PBX1: variants seen among roughly 807,000 people sequenced by gnomAD.
The protein encoded by PBX1 is PBX homeobox 1.
Under a neutral mutation model 53.4 loss-of-function variants are expected in PBX1, and 6 were observed. The ratio of observed to expected loss-of-function variants is 0.11; its 90% CI spans 0.06 to 0.22. The LOEUF (loss-of-function observed/expected upper bound fraction) is 0.22. Among genes scored for constraint, PBX1 ranks in the 10% least tolerant of loss-of-function variants. PBX1 has a pLI of 1.00. For missense variants in PBX1, 251 were observed against 551.4 expected (o/e 0.46, Z 5.46); for synonymous variants, 204 against 212.3 (o/e 0.96, Z 0.34).
chr1:164,728,723 A>AT (rs1188329939), intron 2 of PBX1, among the ~76,000 whole-genome samples: 3 of 152,182 alleles, frequency 2.0e-5, no homozygotes, highest in East Asian at 1.9e-4. Context: ...GTATATAAAA[A>AT]TTTTTTTATT....
intron 8 of PBX1, among the ~76,000 whole-genome samples, chr1:164,835,201 A>G (rs1558036227): frequency 6.6e-6 from 1 of 151,176 alleles, no homozygotes; most frequent in Admixed American, 6.6e-5. Flanking sequence ...TGTTTAATCA[A>G]TTTATACTAT....
Position 164,559,852 on chromosome 1 carries a change from C to T in PBX1, c.30C>T (p.Ser10=). 1 of 1,550,200 alleles carries T rather than the reference C, an allele frequency of 6.5e-7. No homozygotes were observed. Among genetic ancestry groups the T allele is most frequent in the Non-Finnish European group, 8.7e-7 (1 of 1,146,740 alleles). Residue 10 remains serine (S), a synonymous_variant, in exon 1 of 9, where the codon TCC becomes TCT. Coordinates refer to ENST00000420696, the MANE Select transcript of PBX1 (RefSeq NM_002585.4). ...ACGAGCAGCCCAGGCTGATGCATTC[C>T]CATGCTGGGGTCGGGATGGCCGGAC... The part of the protein sequence containing the change: MDEQPRLMH[S]HAGVGMAGHP...
chr1:164,571,675 T>C (rs1653864220), intron 2 of PBX1, among the ~76,000 whole-genome samples: 1 of 150,330 alleles, frequency 6.7e-6, no homozygotes, highest in South Asian at 2.1e-4. Context: ...AATACTGCTA[T>C]GAACATTTGC....
chr1:164,845,242 A>C (rs1185506449), intron 8 of PBX1, among the ~76,000 whole-genome samples: 3 of 151,792 alleles, frequency 2.0e-5, no homozygotes, highest in Non-Finnish European at 4.4e-5. Context: ...CCGAATTCAA[A>C]GATCTCAAGG....
chr1:164,853,420 T>C (rs1671903239), downstream of PBX1, among the ~76,000 whole-genome samples: 1 of 152,190 alleles, frequency 6.6e-6, no homozygotes, highest in Non-Finnish European at 1.5e-5. Flanking sequence ...AGCTGTTTCA[T>C]TGACTGGACA....
intron 2 of PBX1, among the ~76,000 whole-genome samples, chr1:164,781,585 C>T (rs1488567802): frequency 1.3e-5 from 2 of 152,186 alleles, no homozygotes; most frequent in African/African-American, 4.8e-5. Flanking sequence ...ATCACAGAGG[C>T]TCTTGGCTGG....
chr1:164,875,982 GT>G (rs1264076427), intron 2 of PBX1, among the ~76,000 whole-genome samples: 2 of 24,326 alleles, frequency 8.2e-5, no homozygotes, highest in African/African-American at 1.2e-4. Context: ...TATATTTGGT[GT>G]ATGTGTATAT....
At chr1:164,730,545 C>A (rs1664922501) in intron 2 of PBX1, among the ~76,000 whole-genome samples, 1 of 152,160 alleles carries the variant, frequency 6.6e-6, no homozygotes, top group Non-Finnish European at 1.5e-5. Context: ...CCCTCTCATT[C>A]CTCTGAAAAG....
chr1:164,870,074 G>C (rs142326248), intron 2 of PBX1, among the ~76,000 whole-genome samples: 228 of 152,302 alleles, frequency 1.5e-3, no homozygotes, highest in African/African-American at 5.3e-3. Context: ...GGTTTAAGTA[G>C]AGGAACACTT....
chr1:164,625,438 C>T (rs1657973006), intron 2 of PBX1, among the ~76,000 whole-genome samples: 1 of 152,046 alleles, frequency 6.6e-6, no homozygotes, highest in Admixed American at 6.6e-5. Context: ...TCTCTCTTTC[C>T]CCGTACATTT....
rs1195558873 is a variant in PBX1, at chr1:164,876,548, CG to C, written n.258-22636del. On this transcript the variant is annotated intron_variant and non_coding_transcript_variant, in intron 2 of 2. Transcript: ENST00000558796. ...GGCTAATCTATAAGTGGGGGCGGGG[CG>C]GGGCAGGGAATTAACATTTATTGAG... Among the ~76,000 whole-genome samples the C allele has an allele frequency of 4.7e-5, 7 of 148,618 alleles. No homozygotes were observed. The South Asian group carries it at 9.0e-4, about 19-fold the overall frequency.
intron 2 of PBX1, among the ~76,000 whole-genome samples, chr1:164,743,864 T>C (rs542184274): frequency 6.6e-6 from 1 of 152,236 alleles, no homozygotes; most frequent in African/African-American, 2.4e-5. Context: ...CACTTACATA[T>C]ATGTACAGTT....
intron 2 of PBX1, among the ~76,000 whole-genome samples, chr1:164,761,714 A>T (rs1481449298): frequency 6.6e-6 from 1 of 152,162 alleles, no homozygotes; most frequent in Non-Finnish European, 1.5e-5. Flanking sequence ...AAGTGCTGGG[A>T]TTACAGGCGT....
At chr1:164,813,556 G>C (rs1232386030) in intron 6 of PBX1, 1 of 152,182 alleles carries the variant, frequency 6.6e-6, no homozygotes, top group Non-Finnish European at 1.5e-5. Flanking sequence ...AACAACACCA[G>C]TTGAACTGTG....
At chr1:164,784,911 G>A (rs1163740920) in intron 2 of PBX1, among the ~76,000 whole-genome samples, 2 of 152,154 alleles carry the variant, frequency 1.3e-5, no homozygotes, top group Non-Finnish European at 2.9e-5. Flanking sequence ...AGTTGGAATG[G>A]CTTAAAAACA....
At chr1:164,656,563 A>T (rs1660179306) in intron 2 of PBX1, among the ~76,000 whole-genome samples, 1 of 152,268 alleles carries the variant, frequency 6.6e-6, no homozygotes, top group South Asian at 2.1e-4. Flanking sequence ...TAGACAAATT[A>T]TGAGGGGAAA....
In PBX1 at chr1:164,719,546, A is replaced by G. The variant is rs112954511; in HGVS notation, c.266-72948A>G. Among the ~76,000 whole-genome samples, 1,306 of 152,268 alleles carry G rather than the reference A, an allele frequency of 8.6e-3. 22 individuals are homozygous for G. The highest frequency in any genetic ancestry group is 0.03 in the African/African-American group (1,247 of 41,554). On this transcript the variant is annotated intron_variant, in intron 2 of 8. Transcript: ENST00000420696. ...CTGGGGGCCTTTTTAATATTTGTGC[A>G]TGCTCTGAATCAGAATTTCTGGATA... is the stretch of plus-strand genomic sequence containing the variant.
At chr1:164,573,391 A>C (rs921602298) in intron 2 of PBX1, among the ~76,000 whole-genome samples, 15 of 152,086 alleles carry the variant, frequency 9.9e-5, no homozygotes, top group African/African-American at 3.6e-4. Flanking sequence ...ATATGTAATC[A>C]ACATAAAAAT....
chr1:164,621,019 T>C (rs915838838), intron 2 of PBX1, among the ~76,000 whole-genome samples: 8 of 151,884 alleles, frequency 5.3e-5, no homozygotes, highest in African/African-American at 1.9e-4. Context: ...AGATGGAGTC[T>C]TGCTCTGTTG....
Sources: allele counts gnomAD v4.1 joint callset (sites outside exome capture counted in the v4.1 genomes callset), GRCh38; gene constraint gnomAD v4.1.1; transcripts MANE v1.5; gene names NCBI Gene and HGNC (gene_info 2026-07-23, HGNC 2026-07-21).